FHIT: variants seen among roughly 807,000 people sequenced by gnomAD.
FHIT encodes fragile histidine triad diadenosine triphosphatase, also known as bis(5'-adenosyl)-triphosphatase.
In FHIT, 19 loss-of-function variants were observed where a neutral mutation model predicts 17.9. That is an observed-to-expected ratio of 1.06 (90% CI 0.74 to 1.56). FHIT has a LOEUF of 1.56. Ranked by LOEUF, FHIT falls within the 40% of genes most tolerant of loss-of-function variation. The pLI is 0.00. For missense variants in FHIT, 248 were observed against 189.2 expected (o/e 1.31, Z -1.82); for synonymous variants, 81 against 69.7 (o/e 1.16, Z -0.81).
chr3:59,902,489 A>C (rs555140846), intron 8 of FHIT, among the ~76,000 whole-genome samples: 3 of 152,202 alleles, frequency 2.0e-5, no homozygotes, highest in Admixed American at 2.0e-4. Context: ...AGATATCTCC[A>C]CTCACATGTT....
At chr3:60,908,714 G>GA (rs5849399) in intron 3 of FHIT, among the ~76,000 whole-genome samples, 27 of 117,388 alleles carry the variant, frequency 2.3e-4, no homozygotes, top group East Asian at 7.6e-4. Context: ...AGTCTCTTAT[G>GA]AAAAAAAAAA....
rs71092605 is a variant in FHIT, at chr3:60,441,783, AAT to A, written c.103+95075_103+95076del. ...ATATATATATATTTATATGTATAAA[AAT>A]ATATATATATATATATATATATATA... On this transcript the variant is annotated intron_variant, in intron 5 of 9. Coordinates refer to ENST00000492590, the MANE Select transcript of FHIT (RefSeq NM_002012.4). 1.5e-3 allele frequency among the ~76,000 whole-genome samples: 36 copies of A among 23,980 alleles called. 1 individual carries two copies. The highest frequency in any genetic ancestry group is 2.6e-3 in the African/African-American group (35 of 13,488). The allele number at this position is 23,980 out of a possible 152,430, so 15.7% of individuals were successfully genotyped here. A position where few individuals can be genotyped will look rare whatever the true frequency, so the allele number is the denominator to read the frequency against.
At chr3:61,012,908 A>G (rs1276622455) in intron 3 of FHIT, among the ~76,000 whole-genome samples, 1 of 151,974 alleles carries the variant, frequency 6.6e-6, no homozygotes, top group Admixed American at 6.6e-5. Flanking sequence ...AGACAAATGA[A>G]TGAAATATGA....
chr3:61,044,333 C>T (rs1298012326), intron 2 of FHIT, among the ~76,000 whole-genome samples: 2 of 152,266 alleles, frequency 1.3e-5, no homozygotes, highest in East Asian at 3.9e-4. Flanking sequence ...CTACATGACA[C>T]ATGCACAAGT....
intron 8 of FHIT, among the ~76,000 whole-genome samples, chr3:59,813,704 AG>A (rs1183934909): frequency 2.0e-5 from 3 of 152,152 alleles, no homozygotes; most frequent in Non-Finnish European, 4.4e-5. Flanking sequence ...TTTAGGGGTG[AG>A]GGGAAGCTTG....
At chr3:59,946,621 C>A (rs1214425066) in intron 7 of FHIT, among the ~76,000 whole-genome samples, 1 of 152,120 alleles carries the variant, frequency 6.6e-6, no homozygotes, top group Non-Finnish European at 1.5e-5. Context: ...ATGCTTCCAG[C>A]TTTTGTTCAT....
intron 2 of FHIT, 73 bp downstream of exon 2, chr3:61,200,543 TA>T (rs2038980832): frequency 6.6e-6 from 1 of 152,650 alleles, no homozygotes; most frequent in Admixed American, 6.5e-5. Flanking sequence ...TCCAAGTGTT[TA>T]AATCTCTGAA....
intron 8 of FHIT, among the ~76,000 whole-genome samples, chr3:59,756,018 C>T (rs536461353): frequency 6.6e-6 from 1 of 152,224 alleles, no homozygotes; most frequent in East Asian, 1.9e-4. Flanking sequence ...GTGAGCAGTG[C>T]CGTGCCTGAC....
intron 3 of FHIT, among the ~76,000 whole-genome samples, chr3:61,006,483 A>C (rs1051702149): frequency 6.6e-6 from 1 of 152,174 alleles, no homozygotes; most frequent in African/African-American, 2.4e-5. Flanking sequence ...GACACTTGGC[A>C]CTTGAGATTT....
At chr3:60,067,711 G>T (rs1404204585) in intron 5 of FHIT, among the ~76,000 whole-genome samples, 4 of 152,156 alleles carry the variant, frequency 2.6e-5, no homozygotes, top group Admixed American at 6.5e-5. Flanking sequence ...AGGCTCAAGT[G>T]TTGTGGTATA....
chr3:60,200,084 C>T (rs894955906), intron 5 of FHIT, among the ~76,000 whole-genome samples: 8 of 152,034 alleles, frequency 5.3e-5, no homozygotes, highest in South Asian at 4.2e-4. Flanking sequence ...GAACACACCA[C>T]GGGATAACCA....
chr3:60,179,261 C>G (rs73097582), intron 5 of FHIT, among the ~76,000 whole-genome samples: 3 of 152,128 alleles, frequency 2.0e-5, no homozygotes, highest in Admixed American at 6.5e-5. Flanking sequence ...AGATGCCACA[C>G]AGCCCACTCA....
At chr3:60,702,612 C>G (rs1456245827) in intron 4 of FHIT, among the ~76,000 whole-genome samples, 1 of 151,902 alleles carries the variant, frequency 6.6e-6, no homozygotes, top group African/African-American at 2.4e-5. Flanking sequence ...ATCCAGCTAA[C>G]ATGTTTTCTT....
At chr3:60,753,008 G>C (rs1451525115) in intron 4 of FHIT, among the ~76,000 whole-genome samples, 2 of 152,142 alleles carry the variant, frequency 1.3e-5, no homozygotes, top group Non-Finnish European at 2.9e-5. Context: ...AAGTCTTTAA[G>C]AATGCAAAAC....
intron 4 of FHIT, among the ~76,000 whole-genome samples, chr3:60,547,259 T>C (rs2036398284): frequency 6.6e-6 from 1 of 152,200 alleles, no homozygotes; most frequent in Non-Finnish European, 1.5e-5. Flanking sequence ...AACTGCTTCT[T>C]AGCAAATATG....
intron 5 of FHIT, among the ~76,000 whole-genome samples, chr3:60,097,622 C>T (rs576199963): frequency 6.6e-6 from 1 of 152,178 alleles, no homozygotes; most frequent in African/African-American, 2.4e-5. Context: ...TACAATGATC[C>T]ATTTCCACTT....
intron 5 of FHIT, among the ~76,000 whole-genome samples, chr3:60,064,985 G>T (rs1391010361): frequency 6.6e-6 from 1 of 152,130 alleles, no homozygotes; most frequent in African/African-American, 2.4e-5. Context: ...GTGGGAGGTG[G>T]CATTCAAACA....
At chr3:59,918,033 C>G (rs959515789) in intron 8 of FHIT, among the ~76,000 whole-genome samples, 1 of 152,182 alleles carries the variant, frequency 6.6e-6, no homozygotes. Flanking sequence ...GATTTCTGAC[C>G]AAAGGATTCT....
chr3:60,872,591 C>T (rs534375006), intron 3 of FHIT, among the ~76,000 whole-genome samples: 2 of 152,142 alleles, frequency 1.3e-5, no homozygotes, highest in South Asian at 4.2e-4. Context: ...AAAATTATGC[C>T]TCAAAAATAA....
Sources: allele counts gnomAD v4.1 joint callset (sites outside exome capture counted in the v4.1 genomes callset), GRCh38; gene constraint gnomAD v4.1.1; transcripts MANE v1.5; gene names NCBI Gene and HGNC (gene_info 2026-07-23, HGNC 2026-07-21).